HERC2: variants seen among roughly 807,000 people sequenced by gnomAD.
HERC2 encodes the protein HECT and RLD domain containing E3 ubiquitin protein ligase 2.
In HERC2, 102 loss-of-function variants were observed where a neutral mutation model predicts 537.7. The observed-to-expected ratio is 0.19, with a 90% CI of 0.16 to 0.22. HERC2 has a LOEUF of 0.22. Among genes scored for constraint, HERC2 ranks in the 10% least tolerant of loss-of-function variants. The pLI, the probability that HERC2 is intolerant of heterozygous loss-of-function variation, is 1.00. For synonymous variants in HERC2, 2,224 were observed against 2,466.2 expected (o/e 0.90, Z 2.91); for missense variants, 4,236 against 6,198.2 (o/e 0.68, Z 10.63).
intron 2 of HERC2, among the ~76,000 whole-genome samples, chr15:28,306,806 C>T (rs1267401407): frequency 1.3e-5 from 2 of 152,190 alleles, no homozygotes; most frequent in African/African-American, 2.4e-5. Context: ...ACTTGGAAGG[C>T]TGTATGTGCC....
intron 66 of HERC2, 65 bp from the exon 67 acceptor site, chr15:28,168,655 A>T (rs1488846986): frequency 2.9e-5 from 43 of 1,496,588 alleles, no homozygotes; most frequent in Middle Eastern, 3.5e-4. Context: ...CAGGAAGTGG[A>T]GAGGCAGGGC....
At chr15:28,194,575 A>AAAAAC (rs1048445537) in intron 52 of HERC2, among the ~76,000 whole-genome samples, 5 of 151,676 alleles carry the variant, frequency 3.3e-5, no homozygotes, top group African/African-American at 7.3e-5. Flanking sequence ...CCGTCTCAAA[A>AAAAAC]AAAACAAAAC....
chr15:28,139,038 G>A (rs1333147806), intron 78 of HERC2, among the ~76,000 whole-genome samples: 6 of 152,350 alleles, frequency 3.9e-5, no homozygotes, highest in Middle Eastern at 3.4e-3. Flanking sequence ...TAGAAGTGGA[G>A]TCTAAAGATG....
chr15:28,296,413 C>A (rs1327553570), intron 3 of HERC2, among the ~76,000 whole-genome samples: 3 of 152,154 alleles, frequency 2.0e-5, no homozygotes, highest in Non-Finnish European at 2.9e-5. Flanking sequence ...GCAGTGGTTG[C>A]AGTGAGCCAA....
chr15:28,219,508 T>C (rs1174106107), intron 37 of HERC2, among the ~76,000 whole-genome samples: 6 of 152,174 alleles, frequency 3.9e-5, no homozygotes, highest in South Asian at 2.1e-4. Flanking sequence ...AGGTGCCATA[T>C]ACATCGCTCC....
intron 68 of HERC2, among the ~76,000 whole-genome samples, chr15:28,164,387 C>T (rs1353750613): frequency 1.3e-5 from 2 of 152,202 alleles, no homozygotes; most frequent in Non-Finnish European, 2.9e-5. Context: ...ACAGACCTTG[C>T]TCCTGCCTCT....
intron 21 of HERC2, among the ~76,000 whole-genome samples, chr15:28,247,421 CTTTTTTTTTTTTT>C (rs71132843): frequency 2.6e-5 from 2 of 76,180 alleles, no homozygotes; most frequent in Non-Finnish European, 4.7e-5. Context: ...CTACATGGTT[CTTTTTTTTTTTTT>C]TTTTTTTTTT....
At chr15:28,300,052 T>TAAA (rs34917808) in intron 2 of HERC2, among the ~76,000 whole-genome samples, 1 of 126,302 alleles carries the variant, frequency 7.9e-6, no homozygotes, top group Non-Finnish European at 1.6e-5. Flanking sequence ...GACTCGGTGT[T>TAAA]AAAAAAAAAA....
chr15:28,216,269 A>G (rs946345690), intron 38 of HERC2, among the ~76,000 whole-genome samples: 15 of 152,314 alleles, frequency 9.8e-5, no homozygotes, highest in East Asian at 3.9e-4. Context: ...CGTGTTTTAA[A>G]TATCTCCACA....
At chr15:28,117,321 C>T (rs767593073) in intron 86 of HERC2, 167 bp from the exon 87 acceptor site, 4 of 752,864 alleles carry the variant, frequency 5.3e-6, no homozygotes, top group South Asian at 1.5e-5. Context: ...CCGTCTGGGG[C>T]GCTCGACTGT....
At position 28,229,244 on chromosome 15, in the gene HERC2, C is replaced by T; in HGVS notation, c.5223G>A (p.Gln1741=). The part of the protein sequence containing the change: ...TFGKLYAWAV[Q]NIRNVLMDAS... ...CATCCATCAAAACATTTCGAATGTT[C>T]TGTACAGCCCAAGCGTACAGCTTGC... Residue 1741 remains glutamine (Q), a synonymous_variant, in exon 34 of 93, where the codon CAG becomes CAA. Coordinates refer to ENST00000261609, the MANE Select transcript of HERC2 (RefSeq NM_004667.6). 7 of 1,613,786 alleles carry T rather than the reference C, an allele frequency of 4.3e-6. No individual in the cohort carries two copies. Among genetic ancestry groups the T allele is most frequent in the Non-Finnish European group, 5.9e-6 (7 of 1,179,834 alleles).
In HERC2 at chr15:28,268,336, C is replaced by G; in HGVS notation, c.1598+129G>C. 1.2e-6 allele frequency: 1 copy of G among 809,290 alleles called. No homozygotes were observed. The highest frequency in any genetic ancestry group is 2.0e-6 in the Non-Finnish European group (1 of 507,552). The allele number at this position is 809,290 out of a possible 1,614,324, so 50.1% of individuals were successfully genotyped here. A position where few individuals can be genotyped will look rare whatever the true frequency, so the allele number is the denominator to read the frequency against. Reference sequence around the variant, plus strand: ...CAAGGAGGAGGCATATCGTAGTGTCCTGCTCCATCCCAGCGCTACATGTCA... The same window carrying G: ...CAAGGAGGAGGCATATCGTAGTGTCGTGCTCCATCCCAGCGCTACATGTCA... On this transcript the variant is annotated intron_variant, in intron 12 of 92. Transcript: ENST00000261609. The surrounding 1 kb of genome is among the most constrained non-coding windows in gnomAD (Gnocchi z 4.7).
intron 23 of HERC2, among the ~76,000 whole-genome samples, chr15:28,240,148 G>A (rs1377715327): frequency 6.6e-6 from 1 of 152,152 alleles, no homozygotes; most frequent in Non-Finnish European, 1.5e-5. Context: ...AGAGGGCGCA[G>A]TGGCTCACGC....
In HERC2 at chr15:28,260,781, GCAGGCC is replaced by G; in HGVS notation, c.2306_2311del (p.Gly769_Pro770del). 6.2e-7 allele frequency: 1 copy of G among 1,613,804 alleles called. No individual in the cohort carries two copies. The highest frequency in any genetic ancestry group is 8.5e-7 in the Non-Finnish European group (1 of 1,179,794). ...ATCAAGCTCTATATTCAGTACCTGG[GCAGGCC>G]CACAGGCAATTCCCACTATGTGTTT... On this transcript the variant is annotated inframe_deletion, in exon 16 of 93. Coordinates refer to ENST00000261609, the MANE Select transcript of HERC2 (RefSeq NM_004667.6).
intron 16 of HERC2, among the ~76,000 whole-genome samples, chr15:28,257,677 T>C (rs1190192569): frequency 6.6e-6 from 1 of 151,906 alleles, no homozygotes; most frequent in Non-Finnish European, 1.5e-5. Context: ...AAGAGAACGG[T>C]GGAACACTAT....
At position 28,268,625 on chromosome 15, in the gene HERC2, G is replaced by A; in HGVS notation, c.1447-9C>T. ...TGGACCAGCTGTGGGGCCTAAAGAA[G>A]GAAAAATACGAAGAAAAGTAGTCAT... On this transcript the variant is annotated splice_polypyrimidine_tract_variant and intron_variant, in intron 11 of 92. Coordinates refer to ENST00000261609, the MANE Select transcript of HERC2 (RefSeq NM_004667.6). This position sits in a 1 kb window ranked among gnomAD's most constrained non-coding sequence, Gnocchi z 4.7. 6.2e-7 allele frequency: 1 copy of A among 1,611,034 alleles called. No homozygotes were observed.
Position 28,220,467 on chromosome 15 carries a change from T to C in HERC2, c.5830A>G (p.Thr1944Ala). The change falls in exon 37 of 93, where the codon ACA becomes GCA. Residue 1944 changes from threonine to alanine, a missense_variant. Coordinates refer to ENST00000261609, the MANE Select transcript of HERC2 (RefSeq NM_004667.6). ...AGTCACCCACCAGAGTCATCCTCTGTGTCCGAATCCTCTGCTGAGGGCTGT... is the reference window on the plus strand; with the variant it reads ...AGTCACCCACCAGAGTCATCCTCTGCGTCCGAATCCTCTGCTGAGGGCTGT... ...AAQPSAEDSDTEDDSEAEQTE... is the reference protein window; with the variant it reads ...AAQPSAEDSDAEDDSEAEQTE... 6.2e-7 allele frequency: 1 copy of C among 1,606,538 alleles called. No individual in the cohort carries two copies. The highest frequency in any genetic ancestry group is 8.5e-7 in the Non-Finnish European group (1 of 1,179,780).
At chr15:28,258,861 A>G (rs564331340) in intron 16 of HERC2, among the ~76,000 whole-genome samples, 1 of 152,288 alleles carries the variant, frequency 6.6e-6, no homozygotes, top group African/African-American at 2.4e-5. Flanking sequence ...AAAAAACAGA[A>G]AAGATACAAA....
chr15:28,118,305 C>T (rs1264842853), intron 86 of HERC2: 1 of 152,988 alleles, frequency 6.5e-6, no homozygotes, highest in Non-Finnish European at 1.5e-5. Flanking sequence ...GGCTGCCTCT[C>T]CTCCATGACG....
Sources: allele counts gnomAD v4.1 joint callset (sites outside exome capture counted in the v4.1 genomes callset), GRCh38; gene constraint gnomAD v4.1.1; non-coding constraint Gnocchi (gnomAD v3.1); transcripts MANE v1.5; gene names NCBI Gene and HGNC (gene_info 2026-07-23, HGNC 2026-07-21).